RIT2: variants seen among roughly 807,000 people sequenced by gnomAD.
RIT2 encodes GTP-binding protein Rit2.
In RIT2, 24 loss-of-function variants were observed where a neutral mutation model predicts 23.7. That is an observed-to-expected ratio of 1.01 (90% CI 0.73 to 1.43). The LOEUF (loss-of-function observed/expected upper bound fraction) is 1.43. Among genes scored for constraint, RIT2 ranks in the 40% most tolerant of loss-of-function variants. The pLI is 0.00. For synonymous variants in RIT2, 107 were observed against 91.1 expected, an observed-to-expected ratio of 1.17 and a Z score of -0.99; for missense variants, 236 against 266.9, an observed-to-expected ratio of 0.88 and a Z score of 0.81.
intron 2 of RIT2, among the ~76,000 whole-genome samples, chr18:43,028,197 T>C (rs1911776313): frequency 6.6e-6 from 1 of 152,228 alleles, no homozygotes; most frequent in South Asian, 2.1e-4. Context: ...TGTCTGTATG[T>C]ATGCCTATGT....
intron 4 of RIT2, among the ~76,000 whole-genome samples, chr18:42,896,553 ACT>A (rs1267061502): frequency 6.6e-6 from 1 of 152,018 alleles, no homozygotes; most frequent in Non-Finnish European, 1.5e-5. Flanking sequence ...TCCCCTGCCC[ACT>A]CTCTCAACAT....
intron 2 of RIT2, among the ~76,000 whole-genome samples, chr18:42,981,998 A>AT (rs371654879): frequency 1.3e-5 from 2 of 152,314 alleles, no homozygotes; most frequent in African/African-American, 4.8e-5. Context: ...TCCTGACTAG[A>AT]TTGACTAGAA....
chr18:42,833,717 T>A (rs1376139100), intron 4 of RIT2, among the ~76,000 whole-genome samples: 1 of 152,160 alleles, frequency 6.6e-6, no homozygotes, highest in Non-Finnish European at 1.5e-5. Context: ...ACTTGTTCAA[T>A]ACATTTGTAT....
intron 2 of RIT2, among the ~76,000 whole-genome samples, chr18:43,009,612 G>C (rs991018026): frequency 2.0e-5 from 3 of 151,546 alleles, no homozygotes; most frequent in African/African-American, 4.8e-5. Context: ...TATTTTCATG[G>C]TCTTATTAAA....
chr18:42,986,588 G>A (rs1171381603), intron 2 of RIT2, among the ~76,000 whole-genome samples: 1 of 151,916 alleles, frequency 6.6e-6, no homozygotes, highest in East Asian at 1.9e-4. Context: ...TGCAACCTCC[G>A]CCTCCTGGGT....
At chr18:43,094,774 T>G (rs1014506567) in intron 1 of RIT2, among the ~76,000 whole-genome samples, 1 of 152,128 alleles carries the variant, frequency 6.6e-6, no homozygotes, top group Non-Finnish European at 1.5e-5. Flanking sequence ...AGTGTTCTCA[T>G]TGTTCAATTC....
At chr18:42,946,063 G>C (rs573215264) in intron 3 of RIT2, among the ~76,000 whole-genome samples, 8 of 152,132 alleles carry the variant, frequency 5.3e-5, no homozygotes, top group African/African-American at 1.9e-4. Flanking sequence ...ATTTTAGGTG[G>C]CTGTATGCTA....
At chr18:42,955,809 A>T (rs1482515394) in intron 3 of RIT2, among the ~76,000 whole-genome samples, 1 of 152,174 alleles carries the variant, frequency 6.6e-6, no homozygotes, top group Admixed American at 6.5e-5. Flanking sequence ...CATTTACTTC[A>T]CCTTGAAAAG....
intron 1 of RIT2, among the ~76,000 whole-genome samples, chr18:43,038,247 A>T (rs1912035845): frequency 6.7e-6 from 1 of 148,428 alleles, no homozygotes; most frequent in Admixed American, 6.7e-5. Context: ...TTTCAGGTAC[A>T]AGTGGGTCAT....
intron 1 of RIT2, among the ~76,000 whole-genome samples, chr18:43,048,749 T>A (rs1029256339): frequency 2.0e-5 from 3 of 152,196 alleles, no homozygotes; most frequent in Non-Finnish European, 2.9e-5. Context: ...TGATGTTTTT[T>A]ATAAAACCAC....
At chr18:43,058,073 A>T (rs114520297) in intron 1 of RIT2, among the ~76,000 whole-genome samples, 2,427 of 152,218 alleles carry the variant, frequency 0.016, 58 homozygotes, top group African/African-American at 0.052. Flanking sequence ...TGGTAATTAC[A>T]CTAAGATAGA....
At chr18:42,868,744 C>G (rs78132666) in intron 4 of RIT2, among the ~76,000 whole-genome samples, 2 of 152,194 alleles carry the variant, frequency 1.3e-5, no homozygotes, top group South Asian at 4.1e-4. Flanking sequence ...TAAAGATGAT[C>G]AGGCACAAGA....
At chr18:43,044,864 A>C (rs1412138172) in intron 1 of RIT2, among the ~76,000 whole-genome samples, 1 of 152,118 alleles carries the variant, frequency 6.6e-6, no homozygotes, top group African/African-American at 2.4e-5. Flanking sequence ...CCACAAACTC[A>C]CTGCTAATGG....
chr18:42,888,498 G>A (rs528138840), intron 4 of RIT2, among the ~76,000 whole-genome samples: 9 of 151,638 alleles, frequency 5.9e-5, no homozygotes, highest in Admixed American at 2.0e-4. Context: ...TTCCCTTTTC[G>A]CCGCAGCCTC....
At chr18:42,862,080 A>T (rs906731514) in intron 4 of RIT2, among the ~76,000 whole-genome samples, 5 of 152,274 alleles carry the variant, frequency 3.3e-5, no homozygotes, top group African/African-American at 1.2e-4. Context: ...AAAATTAATA[A>T]TTGATATGGT....
chr18:42,856,868 C>T (rs767928393), intron 4 of RIT2, among the ~76,000 whole-genome samples: 1 of 122,120 alleles, frequency 8.2e-6, no homozygotes. Context: ...TTTGCTCTGT[C>T]GCCCAGGCTG....
At chr18:42,879,625 GT>G (rs956158732) in intron 4 of RIT2, among the ~76,000 whole-genome samples, 4 of 151,402 alleles carry the variant, frequency 2.6e-5, no homozygotes, top group African/African-American at 7.3e-5. Flanking sequence ...ACTTTTTTGA[GT>G]TTTTTTCTTA....
At chr18:42,818,604 T>G (rs1375085143) in intron 4 of RIT2, among the ~76,000 whole-genome samples, 1 of 152,022 alleles carries the variant, frequency 6.6e-6, no homozygotes, top group East Asian at 1.9e-4. Flanking sequence ...ATGGATCACG[T>G]TCACTTAGCT....
chr18:43,108,470 C>T (rs1338266272), intron 1 of RIT2, among the ~76,000 whole-genome samples: 1 of 151,832 alleles, frequency 6.6e-6, no homozygotes, highest in African/African-American at 2.4e-5. Flanking sequence ...TGTGACAGAC[C>T]ATCAGCCAGC....
Sources: gnomAD v4.1 joint callset for allele counts (sites outside exome capture counted in the v4.1 genomes callset) on GRCh38, gnomAD v4.1.1 for gene constraint, MANE v1.5 for transcripts, NCBI Gene and HGNC (gene_info 2026-07-23, HGNC 2026-07-21) for gene names.